The following WDR41 variants were observed in gnomAD, a reference collection of about 807,000 sequenced individuals.
The protein encoded by WDR41 is WD repeat-containing protein 41.
In WDR41, 63 loss-of-function variants were observed where a neutral mutation model predicts 69.3. The ratio of observed to expected loss-of-function variants is 0.91; its 90% CI spans 0.74 to 1.12. WDR41 has a LOEUF of 1.12. Among genes scored for constraint, WDR41 ranks in the 50% most tolerant of loss-of-function variants. The probability of loss-of-function intolerance (pLI) is 0.00; values close to 1 mark genes in which losing one functional copy is unlikely to be tolerated. For synonymous variants in WDR41, 185 were observed against 192.1 expected, an observed-to-expected ratio of 0.96 and a Z score of 0.31; for missense variants, 543 against 534.5, an observed-to-expected ratio of 1.02 and a Z score of -0.16.
rs747640415 is a variant in WDR41 at position 77,453,908 on chromosome 5, T to C, written c.432A>G (p.Arg144=). 1 of 1,613,922 alleles carries C rather than the reference T, an allele frequency of 6.2e-7. No homozygotes were observed. The highest frequency in any genetic ancestry group is 1.3e-5 in the African/African-American group (1 of 74,906). The change falls in exon 6 of 13, where the codon AGA becomes AGG. Residue 144 remains arginine (R), a synonymous_variant. Coordinates refer to ENST00000296679, the MANE Select transcript of WDR41 (RefSeq NM_018268.4). The part of the protein sequence containing the change: ...STVKCLTVLQ[R]LDVWLSGGND... Reference sequence around the variant, plus strand: ...TCCCACCAGAAAGCCAAACATCTAGTCTCTGAAGAACAGTTAAACACTGCA... The same window carrying C: ...TCCCACCAGAAAGCCAAACATCTAGCCTCTGAAGAACAGTTAAACACTGCA...
rs139149220 is a variant in WDR41 at position 77,456,034 on chromosome 5, T to A, written c.412-2106A>T. ...CAATTTTGATAAAGATTGGGTTCAA[T>A]CTGTAGATCAATGTGGGTAGTGGTG... is the stretch of plus-strand genomic sequence containing the variant. On this transcript the variant is annotated intron_variant, in intron 5 of 12. Coordinates refer to ENST00000296679, the MANE Select transcript of WDR41 (RefSeq NM_018268.4). Among the ~76,000 whole-genome samples the A allele has an allele frequency of 4.8e-3, 725 of 151,922 alleles. 4 individuals carry two copies. Among genetic ancestry groups the A allele is most frequent in the Non-Finnish European group, 6.7e-3 (458 of 67,954 alleles).
At chr5:77,527,308 C>T (rs1386818089) in intron 1 of WDR41, among the ~76,000 whole-genome samples, 1 of 151,796 alleles carries the variant, frequency 6.6e-6, no homozygotes, top group Middle Eastern at 3.4e-3. Context: ...AAACATACAC[C>T]ATGCAAACAT....
chr5:77,507,838 C>T (rs1250651393), intron 1 of WDR41, among the ~76,000 whole-genome samples: 1 of 151,870 alleles, frequency 6.6e-6, no homozygotes, highest in Non-Finnish European at 1.5e-5. Flanking sequence ...AATATTTTTC[C>T]TGCTCCTTCC....
intron 1 of WDR41, among the ~76,000 whole-genome samples, chr5:77,600,604 G>A (rs190492501): frequency 7.9e-5 from 12 of 152,206 alleles, no homozygotes; most frequent in South Asian, 2.1e-4. Context: ...AGTTGAGGCC[G>A]GGCACAGTGG....
intron 1 of WDR41, among the ~76,000 whole-genome samples, chr5:77,594,796 T>A (rs1744196597): frequency 6.6e-6 from 1 of 152,244 alleles, no homozygotes. Context: ...GCCTGCATTA[T>A]GCGGAAAAAT....
chr5:77,546,936 G>A (rs955454279), intron 1 of WDR41, among the ~76,000 whole-genome samples: 1 of 152,024 alleles, frequency 6.6e-6, no homozygotes, highest in African/African-American at 2.4e-5. Flanking sequence ...GATCAAATGG[G>A]TTTCATACCA....
intron 1 of WDR41, among the ~76,000 whole-genome samples, chr5:77,552,008 A>ATAACATAAC (rs1743308116): frequency 5.9e-5 from 6 of 101,912 alleles, no homozygotes; most frequent in African/African-American, 2.0e-4. Flanking sequence ...AATAAAATAA[A>ATAACATAAC]ATAAAATAAA....
intron 1 of WDR41, among the ~76,000 whole-genome samples, chr5:77,590,769 G>A (rs1323395170): frequency 6.6e-6 from 1 of 152,162 alleles, no homozygotes; most frequent in African/African-American, 2.4e-5. Context: ...AACAACTTAT[G>A]CTAAGTAAAA....
chr5:77,538,446 C>G (rs1439764424), intron 1 of WDR41, among the ~76,000 whole-genome samples: 1 of 152,112 alleles, frequency 6.6e-6, no homozygotes, highest in Non-Finnish European at 1.5e-5. Context: ...TCACCCCTTG[C>G]CTCTCTTCTT....
At chr5:77,456,379 T>A (rs558155599) in intron 5 of WDR41, among the ~76,000 whole-genome samples, 1 of 152,248 alleles carries the variant, frequency 6.6e-6, no homozygotes, top group Admixed American at 6.5e-5. Flanking sequence ...ATTTTTGGAA[T>A]GTTCATTGCT....
chr5:77,433,746 A>G (rs908466464), intron 12 of WDR41, among the ~76,000 whole-genome samples: 12 of 152,208 alleles, frequency 7.9e-5, no homozygotes, highest in Non-Finnish European at 2.9e-5. Context: ...AAGATTCTGA[A>G]AAGCAAATCA....
At chr5:77,534,877 G>C (rs1188901446) in intron 1 of WDR41, among the ~76,000 whole-genome samples, 1 of 152,188 alleles carries the variant, frequency 6.6e-6, no homozygotes, top group African/African-American at 2.4e-5. Context: ...AGTGGTTTTA[G>C]TGTCTTTATT....
chr5:77,437,401 T>C lies in WDR41; in HGVS notation c.1028A>G (p.Asp343Gly), dbSNP rs747901667. Residue 343 changes from aspartate to glycine, a missense_variant, in exon 11 of 13, where the codon GAT becomes GGT. Asp to Gly is a moderately conservative substitution (Grantham distance 94). Transcript: ENST00000296679. ...TAACTCCCAAATGCGTACACTGCCA[T>C]CTTCTGAGCATGAGATTAACTGCCT... Reference protein sequence around the residue: ...PNRQLISCSEDGSVRIWELRE... With the variant: ...PNRQLISCSEGGSVRIWELRE... 1 of 1,613,964 alleles carries C rather than the reference T, an allele frequency of 6.2e-7. No homozygotes were observed. Among genetic ancestry groups the C allele is most frequent in the East Asian group, 2.2e-5 (1 of 44,880 alleles).
chr5:77,525,890 C>A (rs573057216), intron 1 of WDR41, among the ~76,000 whole-genome samples: 1 of 152,120 alleles, frequency 6.6e-6, no homozygotes, highest in African/African-American at 2.4e-5. Context: ...CAGCTTGAAG[C>A]CTGTAACCAA....
chr5:77,579,361 A>C (rs1175333419), intron 1 of WDR41, among the ~76,000 whole-genome samples: 2 of 152,192 alleles, frequency 1.3e-5, no homozygotes, highest in Non-Finnish European at 2.9e-5. Context: ...CACACTAAAA[A>C]TGCCAAAATC....
chr5:77,571,841 G>C (rs1380057069), intron 1 of WDR41, among the ~76,000 whole-genome samples: 1 of 152,172 alleles, frequency 6.6e-6, no homozygotes. Context: ...TCTTGGCTCA[G>C]GCACTAATTG....
rs148644268 is a variant in WDR41, at chr5:77,438,246, G to A, written c.998C>T (p.Pro333Leu). 1.7e-4 allele frequency: 268 copies of A among 1,613,830 alleles called. No homozygotes were observed. The highest frequency in any genetic ancestry group is 2.1e-4 in the Non-Finnish European group (248 of 1,179,860). ...DSNVLHVARL[P>L]NRQLISCSED... ...AACAGATGGGAACTTGTACCTGTTT[G>A]GAAGTCTGGCAACGTGCAGGACATT... is the stretch of plus-strand genomic sequence containing the variant. Residue 333 changes from proline to leucine, a missense_variant, in exon 10 of 13, where the codon CCA becomes CTA. By Grantham distance (98) the Pro-to-Leu change is moderately conservative (BLOSUM62 -3). Transcript: ENST00000296679.
intron 1 of WDR41, among the ~76,000 whole-genome samples, chr5:77,611,703 T>C (rs534591071): frequency 1.2e-3 from 188 of 150,682 alleles, no homozygotes; most frequent in African/African-American, 4.4e-3. Flanking sequence ...AGATCCAAAA[T>C]TGACACCCTA....
At chr5:77,548,005 C>A (rs1743228921) in intron 1 of WDR41, among the ~76,000 whole-genome samples, 1 of 151,450 alleles carries the variant, frequency 6.6e-6, no homozygotes, top group Non-Finnish European at 1.5e-5. Flanking sequence ...TGATCTTCAA[C>A]AAAGCAAACA....
Sources: allele counts gnomAD v4.1 joint callset (sites outside exome capture counted in the v4.1 genomes callset), GRCh38; gene constraint gnomAD v4.1.1; transcripts MANE v1.5; gene names NCBI Gene and HGNC (gene_info 2026-07-23, HGNC 2026-07-21).